The following FNBP4 variants were observed in gnomAD, a reference collection of about 807,000 sequenced individuals.
FNBP4 encodes formin-binding protein 4.
In FNBP4, 34 loss-of-function variants were observed where a neutral mutation model predicts 119.3. That is an observed-to-expected ratio of 0.28 (90% CI 0.22 to 0.38). The LOEUF (loss-of-function observed/expected upper bound fraction) is 0.38, where lower values mean the gene tolerates loss of function less well. FNBP4 is among the 10% of genes least tolerant of loss of function. The probability of loss-of-function intolerance (pLI) is 1.00; values close to 1 mark genes in which losing one functional copy is unlikely to be tolerated. For missense variants in FNBP4, 1,112 were observed against 1,228.9 expected (o/e 0.90, Z 1.42); for synonymous variants, 462 against 430.6 (o/e 1.07, Z -0.90).
At position 47,757,596 on chromosome 11, in the gene FNBP4, C is replaced by T. The variant is rs186405998; in HGVS notation, c.314-2932G>A. Among the ~76,000 whole-genome samples, 14 of 152,056 alleles carry T rather than the reference C, an allele frequency of 9.2e-5. 2 individuals are homozygous for T. The highest frequency in any genetic ancestry group is 3.4e-4 in the African/African-American group (14 of 41,466). Reference sequence around the variant, plus strand: ...GCAACCTCCACCTCCAGGGTTCATGCGATTCTCCTGCCTCAGCCTCCCGAG... The same window carrying T: ...GCAACCTCCACCTCCAGGGTTCATGTGATTCTCCTGCCTCAGCCTCCCGAG... On this transcript the variant is annotated intron_variant, in intron 2 of 16. Transcript: ENST00000263773.
chr11:47,724,241 T>C, intron 13 of FNBP4, 69 bp from the exon 14 acceptor site: 1 of 1,576,992 alleles, frequency 6.3e-7, no homozygotes, highest in South Asian at 1.2e-5. Flanking sequence ...CCACCTCCTT[T>C]TTTTGAGACA....
In FNBP4 at chr11:47,746,248, T is replaced by C. The variant is rs756187334; in HGVS notation, c.1053A>G (p.Pro351=). Residue 351 remains proline, a synonymous_variant, in exon 7 of 17, where the codon CCA becomes CCG. Coordinates refer to ENST00000263773, the MANE Select transcript of FNBP4 (RefSeq NM_015308.5). ...WRRKVICKEE[P]VSEVKETSTT... ...TACTTGTTTCTTTTACTTCTGAAAC[T>C]GGCTCCTCTTTACAAATTACTTTTC... 68 of 1,614,058 alleles carry C rather than the reference T, an allele frequency of 4.2e-5. No homozygotes were observed. Among genetic ancestry groups the C allele is most frequent in the Non-Finnish European group, 5.5e-5 (65 of 1,180,042 alleles).
intron 14 of FNBP4, among the ~76,000 whole-genome samples, chr11:47,723,517 C>A (rs974836546): frequency 6.6e-6 from 1 of 152,166 alleles, no homozygotes; most frequent in Admixed American, 6.6e-5. Flanking sequence ...TCGAAATCAT[C>A]AATGTACATA....
chr11:47,719,962 C>T lies in FNBP4; in HGVS notation c.2930G>A (p.Arg977Gln), dbSNP rs1317762387. 8 of 1,613,806 alleles carry T rather than the reference C, an allele frequency of 5.0e-6. No homozygotes were observed. Among genetic ancestry groups the T allele is most frequent in the African/African-American group, 1.3e-5 (1 of 74,902 alleles). ...EEDRESTAQK[R>Q]IEEWKQQQLV... ...CTGCTGCTGTTTCCACTCTTCAATT[C>T]GCTTCTGTGCAGTTGATTCCCGATC... is the stretch of plus-strand genomic sequence containing the variant. The change falls in exon 16 of 17, where the codon CGA (arginine) becomes CAA (glutamine). Residue 977 changes from arginine to glutamine, a missense_variant. Coordinates refer to ENST00000263773, the MANE Select transcript of FNBP4 (RefSeq NM_015308.5).
At chr11:47,753,208 C>T in intron 3 of FNBP4, 106 bp from the exon 4 acceptor site, 1 of 823,850 alleles carries the variant, frequency 1.2e-6, no homozygotes, top group Non-Finnish European at 1.8e-6. Context: ...GGCACAGTGG[C>T]TCACACCTAC....
chr11:47,718,118 G>A, intron 16 of FNBP4, among the ~76,000 whole-genome samples: 1 of 151,760 alleles, frequency 6.6e-6, no homozygotes. Context: ...AATGAAACAC[G>A]TTCTATTAGA....
At position 47,734,130 on chromosome 11, in the gene FNBP4, C is replaced by T; in HGVS notation, c.1582-1G>A. On this transcript the variant is annotated splice_acceptor_variant, in intron 9 of 16. Coordinates refer to ENST00000263773, the MANE Select transcript of FNBP4 (RefSeq NM_015308.5). LOFTEE classifies it high-confidence loss of function. Reference sequence around the variant, plus strand: ...TATTTGCCAGTTCTCCAATCTGAAACTACAATGCAAAAAAGAAAAAAAGTA... The same window carrying T: ...TATTTGCCAGTTCTCCAATCTGAAATTACAATGCAAAAAAGAAAAAAAGTA... The T allele has an allele frequency of 6.4e-7, 1 of 1,555,156 alleles. No homozygotes were observed. Among genetic ancestry groups the T allele is most frequent in the South Asian group, 1.2e-5 (1 of 83,398 alleles).
At chr11:47,726,076 T>C (rs1334084092) in intron 12 of FNBP4, 2 of 152,124 alleles carry the variant, frequency 1.3e-5, no homozygotes, top group Admixed American at 6.6e-5. Context: ...AAAAAAAATA[T>C]CACTTCACCT....
At position 47,723,771 on chromosome 11, in the gene FNBP4, C is replaced by A. The variant is rs370411588; in HGVS notation, c.2464+257G>T. 2.4e-4 allele frequency among the ~76,000 whole-genome samples: 36 copies of A among 152,214 alleles called. No individual in the cohort carries two copies. The South Asian group carries it at 7.3e-3, about 31-fold the overall frequency. The stretch of plus-strand genomic sequence containing the variant: ...GTAGACAGGCTTTTGCCGTGTTGCC[C>A]AGGCTGGTCTCCAACTCCTGAGCTC... On this transcript the variant is annotated intron_variant, in intron 14 of 16. Transcript: ENST00000263773.
At position 47,753,076 on chromosome 11, in the gene FNBP4, C is replaced by G. The variant is rs752481202; in HGVS notation, c.477G>C (p.Gln159His). 6.2e-7 allele frequency: 1 copy of G among 1,613,038 alleles called. No homozygotes were observed. The highest frequency in any genetic ancestry group is 1.7e-5 in the Admixed American group (1 of 59,552). The change falls in exon 4 of 17, where the codon CAG (glutamine) becomes CAC (histidine). Residue 159 changes from glutamine to histidine, a missense_variant. Around this residue, in one of 2 missense-constraint regions of FNBP4, gnomAD observed 286 missense variants for 240.1 expected, o/e 1.19. Transcript: ENST00000263773. ...LAEIDAITAP[Q>H]PAAPVGASAP... ...CAGAAGCTCCTACAGGAGCTGCAGG[C>G]TGAGGAGCTGTTATGGCATCGATCT...
intron 3 of FNBP4, 71 bp downstream of exon 3, chr11:47,754,457 C>T (rs1007108130): frequency 3.1e-5 from 46 of 1,505,052 alleles, no homozygotes; most frequent in Admixed American, 9.0e-5. Flanking sequence ...CTGACAAGTA[C>T]GCTGACCACT....
intron 2 of FNBP4, among the ~76,000 whole-genome samples, chr11:47,758,796 T>C (rs574518430): frequency 3.3e-5 from 5 of 151,738 alleles, no homozygotes; most frequent in East Asian, 4.0e-4. Context: ...AAGGTGGACA[T>C]TGCAGTGAGC....
rs560443280 is a variant in FNBP4, at chr11:47,765,376, A to G, written c.221-14T>C. The G allele has an allele frequency of 2.1e-6, 2 of 973,984 alleles. No individual in the cohort carries two copies. Among genetic ancestry groups the G allele is most frequent in the African/African-American group, 2.1e-5 (1 of 48,514 alleles). 60.3% of individuals were successfully genotyped at this position (973,984 alleles called of 1,614,324 possible). Reference sequence around the variant, plus strand: ...CTTCCTGTTCATCTGGATTAAAAAAAAAGAAAAGAAAAGAAAAGAAAAGAA... The same window carrying G: ...CTTCCTGTTCATCTGGATTAAAAAAGAAGAAAAGAAAAGAAAAGAAAAGAA... On this transcript the variant is annotated splice_polypyrimidine_tract_variant and intron_variant, in intron 1 of 16. Transcript: ENST00000263773.
At chr11:47,722,817 C>G (rs1210926923) in intron 15 of FNBP4, among the ~76,000 whole-genome samples, 159 bp downstream of exon 15, 1 of 152,156 alleles carries the variant, frequency 6.6e-6, no homozygotes, top group African/African-American at 2.4e-5. Flanking sequence ...TCTCGAACTC[C>G]TGACCTCAGG....
At chr11:47,756,511 C>A (rs536278271) in intron 2 of FNBP4, among the ~76,000 whole-genome samples, 10 of 151,910 alleles carry the variant, frequency 6.6e-5, no homozygotes, top group Middle Eastern at 3.4e-3. Flanking sequence ...TAATTCCTGC[C>A]TTCATTTTTT....
At chr11:47,756,542 G>A (rs1316664199) in intron 2 of FNBP4, among the ~76,000 whole-genome samples, 1 of 151,768 alleles carries the variant, frequency 6.6e-6, no homozygotes, top group Admixed American at 6.6e-5. Context: ...TGTAGGTTAA[G>A]TTTTTTGTTG....
At chr11:47,763,248 G>T (rs908887813) in intron 2 of FNBP4, among the ~76,000 whole-genome samples, 2 of 152,018 alleles carry the variant, frequency 1.3e-5, no homozygotes, top group Non-Finnish European at 2.9e-5. Flanking sequence ...TGGATCACTT[G>T]AAGTCAGGAG....
At chr11:47,763,266 C>A (rs1319323232) in intron 2 of FNBP4, among the ~76,000 whole-genome samples, 1 of 151,902 alleles carries the variant, frequency 6.6e-6, no homozygotes, top group Non-Finnish European at 1.5e-5. Flanking sequence ...GAGTTCAAGA[C>A]CAGTCTGGCC....
intron 9 of FNBP4, among the ~76,000 whole-genome samples, chr11:47,734,980 C>G (rs1461979334): frequency 9.8e-6 from 1 of 102,346 alleles, no homozygotes; most frequent in Admixed American, 1.0e-4. Context: ...ACCCCAACAC[C>G]CCCCCCCCCA....
Sources: allele counts gnomAD v4.1 joint callset (sites outside exome capture counted in the v4.1 genomes callset), GRCh38; gene constraint gnomAD v4.1.1; regional missense constraint gnomAD v4.1.1; transcripts MANE v1.5; gene names NCBI Gene and HGNC (gene_info 2026-07-23, HGNC 2026-07-21).